The following SLC26A1 variants were observed in gnomAD, a reference collection of about 807,000 sequenced individuals.
The protein encoded by SLC26A1 is solute carrier family 26 member 1.
A neutral mutation model predicts 14.5 loss-of-function variants in SLC26A1; 18 were observed. The observed-to-expected ratio is 1.24, with a 90% CI of 0.86 to 1.84. The LOEUF (loss-of-function observed/expected upper bound fraction) is 1.84, where lower values mean the gene tolerates loss of function less well. Among genes scored for constraint, SLC26A1 ranks in the 40% most tolerant of loss-of-function variants. The probability of loss-of-function intolerance (pLI) is 0.00; values close to 1 mark genes in which losing one functional copy is unlikely to be tolerated. For missense variants in SLC26A1, 1,049 were observed against 1,020.0 expected (o/e 1.03, Z -0.39); for synonymous variants, 505 against 492.0 (o/e 1.03, Z -0.35).
downstream of SLC26A1, among the ~76,000 whole-genome samples, chr4:986,607 T>C (rs375371855): frequency 3.9e-3 from 590 of 152,320 alleles, 35 homozygotes; most frequent in South Asian, 0.1. Flanking sequence ...CAGTGTGCTC[T>C]TCTGGGGTAA....
At chr4:992,779 C>T (rs1456207692) in intron 1 of SLC26A1, 1 of 153,870 alleles carries the variant, frequency 6.5e-6, no homozygotes, top group South Asian at 2.0e-4. Flanking sequence ...AGAGGCCTGA[C>T]TGGTCCCACG....
Position 982,527 on chromosome 4 carries a change from C to T in SLC26A1, c.577-3023G>A, listed in dbSNP as rs138483657. Among the ~76,000 whole-genome samples the T allele has an allele frequency of 5.1e-3, 783 of 152,364 alleles. 7 individuals carry two copies. The highest frequency in any genetic ancestry group is 0.018 in the African/African-American group (743 of 41,584). Reference sequence around the variant, plus strand: ...CCGGTGGACGGCTGCTGCTCCACCCCTGCCCGGACGCCCCCAGTGAAAGGC... The same window carrying T: ...CCGGTGGACGGCTGCTGCTCCACCCTTGCCCGGACGCCCCCAGTGAAAGGC... On this transcript the variant is annotated intron_variant, in intron 2 of 2. Transcript: ENST00000398520.
downstream of SLC26A1, chr4:986,684 G>A: frequency 2.3e-6 from 1 of 434,938 alleles, no homozygotes; most frequent in Non-Finnish European, 4.7e-6. Context: ...TGAAGCCCCG[G>A]AGATGGAGGT....
In SLC26A1 at chr4:989,251, C is replaced by T. The variant is rs750400470; in HGVS notation, c.1688G>A (p.Gly563Glu). The change falls in exon 3 of 3, where the codon GGG becomes GAG. Residue 563 changes from glycine to glutamate, a missense_variant. Transcript: ENST00000398516. ...FFLQSLYSLT[G>E]LDAGCMAARR... is the part of the protein sequence containing the mutation. Reference sequence around the variant, plus strand: ...GGCAGCCATGCACCCTGCGTCCAGCCCCGTGAGGCTGTAGAGTGACTGCAG... The same window carrying T: ...GGCAGCCATGCACCCTGCGTCCAGCTCCGTGAGGCTGTAGAGTGACTGCAG... The T allele has an allele frequency of 1.2e-6, 2 of 1,612,680 alleles. No homozygotes were observed. The highest frequency in any genetic ancestry group is 8.5e-7 in the Non-Finnish European group (1 of 1,179,868).
rs1713945771 is a variant in SLC26A1 at position 988,672 on chromosome 4, TC to T, written c.*160del. 7.1e-7 allele frequency: 1 copy of T among 1,415,024 alleles called. No individual in the cohort carries two copies. Among genetic ancestry groups the T allele is most frequent in the Non-Finnish European group, 9.2e-7 (1 of 1,090,126 alleles). The allele number at this position is 1,415,024 out of a possible 1,614,324, so 87.7% of individuals were successfully genotyped here. On this transcript the variant is annotated 3_prime_UTR_variant, in exon 3 of 3. Transcript: ENST00000398516. ...GGGTCCTGCGTGTGATCAGAGGGCC[TC>T]CTTTCCCAGTTGGGGTTCCCCGGTT... is the stretch of plus-strand genomic sequence containing the variant.
At chr4:987,586 G>A (rs1422249386), downstream of SLC26A1, 5 of 1,400,766 alleles carry the variant, frequency 3.6e-6, no homozygotes, top group East Asian at 1.3e-4. Context: ...GGCAGGGCCA[G>A]GGCCAGGGCT....
rs1350416635 is a variant in SLC26A1 at position 991,307 on chromosome 4, C to T, written c.397G>A (p.Val133Met). 6.2e-7 allele frequency: 1 copy of T among 1,612,784 alleles called. No individual in the cohort carries two copies. The highest frequency in any genetic ancestry group is 1.1e-5 in the South Asian group (1 of 91,086). The change falls in exon 2 of 3, where the codon GTG becomes ATG. Residue 133 changes from valine to methionine, a missense_variant. By Grantham distance (21) the Val-to-Met change is conservative. Coordinates refer to ENST00000398516, the MANE Select transcript of SLC26A1 (RefSeq NM_022042.4). ...VGIFSLLCLMVGQVVDRELQL... is the reference protein window; with the variant it reads ...VGIFSLLCLMMGQVVDRELQL... ...AGCTCCCGGTCCACCACCTGCCCCA[C>T]CATGAGGCAAAGCAGGCTGAAGATG... is the stretch of plus-strand genomic sequence containing the variant.
chr4:983,987 G>A (rs550487023), downstream of SLC26A1, among the ~76,000 whole-genome samples: 42 of 152,256 alleles, frequency 2.8e-4, no homozygotes, highest in East Asian at 2.3e-3. Flanking sequence ...ACCACGCCCG[G>A]CTAATTTTTG....
In SLC26A1 at chr4:990,176, C is replaced by T. The variant is rs773823235; in HGVS notation, c.763G>A (p.Gly255Ser). Residue 255 changes from glycine to serine, a missense_variant, in exon 3 of 3, where the codon GGC becomes AGC. Transcript: ENST00000398516. The part of the protein sequence containing the change: ...VVLTWLSLLR[G>S]AGQANVCDVV... ...TCGCACACGTTGGCCTGCCCGGCGC[C>T]GCGCAGCAGGCTCAGCCATGTGAGG... is the stretch of plus-strand genomic sequence containing the variant. The T allele has an allele frequency of 1.8e-5, 28 of 1,560,278 alleles. No homozygotes were observed. The highest frequency in any genetic ancestry group is 8.1e-5 in the African/African-American group (6 of 73,908).
chr4:993,069 C>T (rs1448439900), intron 1 of SLC26A1: 2 of 152,202 alleles, frequency 1.3e-5, no homozygotes, highest in Admixed American at 6.5e-5. Flanking sequence ...CCTCAGGCAA[C>T]ATTGCAAGAG....
chr4:981,747 C>G (rs900470670), intron 2 of SLC26A1, among the ~76,000 whole-genome samples: 1 of 152,258 alleles, frequency 6.6e-6, no homozygotes, highest in African/African-American at 2.4e-5. Flanking sequence ...TCAGCCACTC[C>G]TGACAGCCGT....
chr4:988,747 C>G lies in SLC26A1; in HGVS notation c.*86G>C. 1 of 1,436,076 alleles carries G rather than the reference C, an allele frequency of 7.0e-7. No individual in the cohort carries two copies. Among genetic ancestry groups the G allele is most frequent in the Non-Finnish European group, 9.1e-7 (1 of 1,096,598 alleles). The allele number at this position is 1,436,076 out of a possible 1,614,324, so 89.0% of individuals were successfully genotyped here. ...GAGTGCAGCTCTTGGGTGGCTCCTC[C>G]CTGGGAAGGGTCTCAGCAGTGGCTT... On this transcript the variant is annotated 3_prime_UTR_variant, in exon 3 of 3. Coordinates refer to ENST00000398516, the MANE Select transcript of SLC26A1 (RefSeq NM_022042.4).
chr4:979,600 C>T, intron 2 of SLC26A1: 1 of 1,500,684 alleles, frequency 6.7e-7, no homozygotes, highest in Non-Finnish European at 9.1e-7. Context: ...AAAGTGCCCA[C>T]TGCCTCTCCA....
At chr4:982,377 G>T (rs186440071) in intron 2 of SLC26A1, among the ~76,000 whole-genome samples, 4 of 152,270 alleles carry the variant, frequency 2.6e-5, no homozygotes, top group Admixed American at 2.6e-4. Context: ...CGGATGCCAA[G>T]TGTGGGAGGA....
Position 989,949 on chromosome 4 carries a change from A to G in SLC26A1, c.990T>C (p.Pro330=), listed in dbSNP as rs769517277. The G allele has an allele frequency of 1.3e-6, 2 of 1,555,846 alleles. No individual in the cohort carries two copies. Among genetic ancestry groups the G allele is most frequent in the Non-Finnish European group, 8.7e-7 (1 of 1,151,290 alleles). ...GCATCAGCCTGGGCTCTGGGACCTGAGGGGGCATGAAACCCGTGGGGATGT... is the reference window on the plus strand; with the variant it reads ...GCATCAGCCTGGGCTCTGGGACCTGGGGGGGCATGAAACCCGTGGGGATGT... ...AGDIPTGFMP[P]QVPEPRLMQR... The change falls in exon 3 of 3, where the codon CCT becomes CCC. Residue 330 remains proline (P), a synonymous_variant. Coordinates refer to ENST00000398516, the MANE Select transcript of SLC26A1 (RefSeq NM_022042.4).
At chr4:990,868 TG>T in intron 2 of SLC26A1, 1 of 495,726 alleles carries the variant, frequency 2.0e-6, no homozygotes, top group Non-Finnish European at 3.6e-6. Context: ...CAGCCACACC[TG>T]GCCTGCTGGT....
intron 2 of SLC26A1, among the ~76,000 whole-genome samples, chr4:982,640 C>T (rs1231611034): frequency 6.6e-6 from 1 of 152,254 alleles, no homozygotes; most frequent in Non-Finnish European, 1.5e-5. Flanking sequence ...TTATAAGCCA[C>T]TGGGCCATTG....
rs1713922540 is a variant in SLC26A1 at position 988,430 on chromosome 4, A to C, written c.*403T>G. ...CACTTGGCCAGAGCCGCTGGCTCCT[A>C]CCAGCAGGGTGGGCACCGGGCAGGC... On this transcript the variant is annotated 3_prime_UTR_variant, in exon 3 of 3. Transcript: ENST00000398516. The C allele has an allele frequency of 1.6e-5, 17 of 1,064,754 alleles. No individual in the cohort carries two copies. The highest frequency in any genetic ancestry group is 1.9e-5 in the Non-Finnish European group (17 of 880,682). The allele number at this position is 1,064,754 out of a possible 1,614,324, so 66.0% of individuals were successfully genotyped here. A position where few individuals can be genotyped will look rare whatever the true frequency, so the allele number is the denominator to read the frequency against.
In SLC26A1 at chr4:988,143, G is replaced by C. The variant is rs952737470; in HGVS notation, c.*690C>G. On this transcript the variant is annotated 3_prime_UTR_variant, in exon 3 of 3. Transcript: ENST00000398516. ...TGGAGGGAGCCCCTGCATGGGGCAC[G>C]GTGGGCTTCCTGCAGGTCTCCCTGC... 2 of 1,405,350 alleles carry C rather than the reference G, an allele frequency of 1.4e-6. No homozygotes were observed. Among genetic ancestry groups the C allele is most frequent in the Admixed American group, 6.0e-5 (2 of 33,424 alleles). The allele number at this position is 1,405,350 out of a possible 1,614,324, so 87.1% of individuals were successfully genotyped here.
Sources: gnomAD v4.1 joint callset for allele counts (sites outside exome capture counted in the v4.1 genomes callset) on GRCh38, gnomAD v4.1.1 for gene constraint, MANE v1.5 for transcripts, NCBI Gene and HGNC (gene_info 2026-07-23, HGNC 2026-07-21) for gene names.